RGS12: variants seen among roughly 807,000 people sequenced by gnomAD.
RGS12 encodes regulator of G protein signaling 12.
RGS12 carries 66 observed loss-of-function variants against 120.1 expected under a neutral mutation model. The ratio of observed to expected loss-of-function variants is 0.55; its 90% confidence interval spans 0.45 to 0.67. RGS12 has a LOEUF of 0.67. RGS12 is among the 30% of genes least tolerant of loss of function. RGS12 has a pLI of 0.00. For synonymous variants in RGS12, 827 were observed against 804.7 expected (o/e 1.03, Z -0.47); for missense variants, 1,859 against 1,957.7 (o/e 0.95, Z 0.95).
intron 3 of RGS12, among the ~76,000 whole-genome samples, chr4:3,358,112 G>T (rs552606796): frequency 5.9e-5 from 9 of 152,246 alleles, no homozygotes; most frequent in African/African-American, 2.2e-4. Context: ...TATTGTTAAT[G>T]TAATTGTTTT....
chr4:3,309,374 G>A (rs1560645347), intron 1 of RGS12, among the ~76,000 whole-genome samples: 2 of 139,868 alleles, frequency 1.4e-5, no homozygotes, highest in Non-Finnish European at 3.0e-5. Flanking sequence ...GAGGGGAACC[G>A]TGCAGGGGAG....
intron 17 of RGS12, 41 bp downstream of exon 17, chr4:3,430,996 C>T (rs373974157): frequency 6.2e-6 from 10 of 1,600,042 alleles, no homozygotes; most frequent in African/African-American, 1.3e-5. Flanking sequence ...GCCCCGTAAG[C>T]GTGGTCTGCT....
chr4:3,379,974 T>C lies in RGS12; in HGVS notation c.1999-6442T>C, dbSNP rs561372660. The stretch of plus-strand genomic sequence containing the variant: ...GTTCCCCCAAAGTCTTAACTCATTC[T>C]AGCATTAACTCAAAAGTCCAAGTCC... On this transcript the variant is annotated intron_variant, in intron 3 of 17. Transcript: ENST00000336727. Among the ~76,000 whole-genome samples the C allele has an allele frequency of 1.0e-3, 155 of 152,370 alleles. 1 individual carries two copies. Among genetic ancestry groups the C allele is most frequent in the African/African-American group, 3.6e-3 (149 of 41,582 alleles).
intron 3 of RGS12, among the ~76,000 whole-genome samples, chr4:3,364,770 G>T (rs1048301067): frequency 6.6e-6 from 1 of 152,046 alleles, no homozygotes; most frequent in African/African-American, 2.4e-5. Context: ...GAGGGCGACT[G>T]CCCTGTGTGT....
intron 4 of RGS12, among the ~76,000 whole-genome samples, chr4:3,412,166 G>A (rs1721804706): frequency 6.6e-6 from 1 of 152,194 alleles, no homozygotes; most frequent in Non-Finnish European, 1.5e-5. Context: ...TAATCTAAAT[G>A]CTCTTCGCAC....
In RGS12 at chr4:3,417,013, A is replaced by T. The variant is rs761958518; in HGVS notation, c.2528A>T (p.Asp843Val). 44 of 1,613,270 alleles carry T rather than the reference A, an allele frequency of 2.7e-5. No individual in the cohort carries two copies. The highest frequency in any genetic ancestry group is 8.5e-7 in the Non-Finnish European group (1 of 1,179,848). The change falls in exon 8 of 18, where the codon GAC becomes GTC. Residue 843 changes from aspartate to valine, a missense_variant. Coordinates refer to ENST00000336727, the MANE Select transcript of RGS12 (RefSeq NM_001394154.1). ...GAAGTGGAGGGCCGTGCACTCCCGG[A>T]CTCGCAGCAGGTCCCCAGCAGCCCG... Reference protein sequence around the residue: ...LAEVEGRALPDSQQVPSSPAS... With the variant: ...LAEVEGRALPVSQQVPSSPAS...
At chr4:3,425,227 G>T (rs1158241267) in intron 13 of RGS12, among the ~76,000 whole-genome samples, 1 of 152,176 alleles carries the variant, frequency 6.6e-6, no homozygotes, top group Non-Finnish European at 1.5e-5. Context: ...AGCGACCAAG[G>T]GTTGCCACCT....
At chr4:3,423,710 T>G (rs1228278354) in intron 13 of RGS12, 69 bp downstream of exon 13, 16 of 1,552,826 alleles carry the variant, frequency 1.0e-5, no homozygotes, top group Non-Finnish European at 1.3e-5. Flanking sequence ...AGCCTCTGTG[T>G]TGTTCACTGA....
chr4:3,315,842 G>A (rs1724702348), intron 1 of RGS12, among the ~76,000 whole-genome samples: 1 of 152,236 alleles, frequency 6.6e-6, no homozygotes. Flanking sequence ...CGTGGCAGGT[G>A]GGCCTGGCAG....
At chr4:3,415,894 GC>G (rs1722340459) in intron 6 of RGS12, 83 bp from the exon 7 acceptor site, 2 of 1,461,300 alleles carry the variant, frequency 1.4e-6, no homozygotes, top group Admixed American at 4.1e-5. Flanking sequence ...CATCTGTAGA[GC>G]CCGGGGGTGT....
At chr4:3,437,716 T>A (rs1413554116) in intron 17 of RGS12, among the ~76,000 whole-genome samples, 1 of 151,892 alleles carries the variant, frequency 6.6e-6, no homozygotes, top group Non-Finnish European at 1.5e-5. Flanking sequence ...CCAGATGGCA[T>A]CTCCACCGGG....
intron 2 of RGS12, among the ~76,000 whole-genome samples, chr4:3,332,562 G>A (rs939377856): frequency 3.3e-5 from 5 of 152,198 alleles, no homozygotes; most frequent in African/African-American, 4.8e-5. Context: ...CTGTAAAGTG[G>A]TGTCTCATGT....
intron 3 of RGS12, among the ~76,000 whole-genome samples, chr4:3,375,946 C>T (rs537635945): frequency 2.6e-4 from 40 of 152,342 alleles, no homozygotes; most frequent in African/African-American, 7.9e-4. Context: ...CACCTGTCTG[C>T]GTGCTGGAGG....
chr4:3,394,869 TA>T (rs923423222), intron 4 of RGS12, among the ~76,000 whole-genome samples: 7 of 147,752 alleles, frequency 4.7e-5, no homozygotes, highest in East Asian at 3.9e-4. Flanking sequence ...TTTTCAAACT[TA>T]AAAAAAAAAG....
chr4:3,431,892 C>T, intron 17 of RGS12: 2 of 985,530 alleles, frequency 2.0e-6, no homozygotes, highest in Non-Finnish European at 2.4e-6. Flanking sequence ...GACCTGTAGC[C>T]TGGACCTCGC....
chr4:3,312,405 T>C (rs1724458819), intron 1 of RGS12: 2 of 192,494 alleles, frequency 1.0e-5, no homozygotes, highest in Admixed American at 1.0e-4. Flanking sequence ...GTCTTCTCCT[T>C]GGCCCCTTTG....
chr4:3,305,815 A>G (rs1723943109), intron 1 of RGS12, among the ~76,000 whole-genome samples: 3 of 152,294 alleles, frequency 2.0e-5, no homozygotes, highest in Admixed American at 6.5e-5. Context: ...GGAGGCTTTG[A>G]TTCCTCTCTC....
rs942218359 is a variant in RGS12, at chr4:3,417,184, C to T, written c.2607+92C>T. ...GGGGAGTGAAAAGAGGCCCTGTCGG[C>T]GTCTTCACCAGTGGTGGGTGACGCT... is the stretch of plus-strand genomic sequence containing the variant. On this transcript the variant is annotated intron_variant, in intron 8 of 17. Transcript: ENST00000336727. 42 of 1,399,252 alleles carry T rather than the reference C, an allele frequency of 3.0e-5. 1 individual carries two copies. The highest frequency in any genetic ancestry group is 2.6e-4 in the South Asian group (18 of 68,374). 86.7% of individuals were successfully genotyped at this position (1,399,252 alleles called of 1,614,324 possible). A position where few individuals can be genotyped will look rare whatever the true frequency, so the allele number is the denominator to read the frequency against.
At chr4:3,334,193 A>G (rs1213813374) in intron 2 of RGS12, among the ~76,000 whole-genome samples, 1 of 152,220 alleles carries the variant, frequency 6.6e-6, no homozygotes, top group Non-Finnish European at 1.5e-5. Flanking sequence ...TAGCTACCCT[A>G]TTAAGGTTAA....
Sources: allele counts gnomAD v4.1 joint callset (sites outside exome capture counted in the v4.1 genomes callset), GRCh38; gene constraint gnomAD v4.1.1; transcripts MANE v1.5; gene names NCBI Gene and HGNC (gene_info 2026-07-23, HGNC 2026-07-21).